Variants in TMPRSS7 observed in about 807,000 individuals in gnomAD.
The protein encoded by TMPRSS7 is transmembrane protease serine 7.
TMPRSS7 carries 81 observed loss-of-function variants against 95.6 expected under a neutral mutation model. The ratio of observed to expected loss-of-function variants is 0.85; its 90% CI spans 0.71 to 1.02. The LOEUF is 1.02. Ranked by LOEUF, TMPRSS7 falls within the 50% of genes least tolerant of loss-of-function variation. TMPRSS7 has a pLI of 0.00. For missense variants in TMPRSS7, 945 were observed against 955.2 expected (o/e 0.99, Z 0.14); for synonymous variants, 364 against 337.8 (o/e 1.08, Z -0.85).
At chr3:112,058,932 T>C (rs1169918251) in intron 10 of TMPRSS7, among the ~76,000 whole-genome samples, 1 of 152,200 alleles carries the variant, frequency 6.6e-6, no homozygotes, top group African/African-American at 2.4e-5. Context: ...GGATTTAAAA[T>C]GCCAGCCCTT....
chr3:112,052,384 C>A (rs1376526244), intron 9 of TMPRSS7, among the ~76,000 whole-genome samples: 3 of 151,484 alleles, frequency 2.0e-5, no homozygotes, highest in African/African-American at 7.3e-5. Context: ...TGTGCATAGT[C>A]ATAATAGTTA....
intron 17 of TMPRSS7, among the ~76,000 whole-genome samples, chr3:112,079,538 T>A (rs1296155231): frequency 6.6e-6 from 1 of 151,962 alleles, no homozygotes; most frequent in Non-Finnish European, 1.5e-5. Context: ...TTTTTTGCAA[T>A]TTTTTTTAGC....
intron 7 of TMPRSS7, among the ~76,000 whole-genome samples, chr3:112,049,051 C>G (rs1307592378): frequency 6.6e-6 from 1 of 152,190 alleles, no homozygotes; most frequent in Non-Finnish European, 1.5e-5. Context: ...ACTCTACAAC[C>G]CTGCCGCTTC....
chr3:112,072,072 A>G (rs2073655175), intron 13 of TMPRSS7, among the ~76,000 whole-genome samples: 1 of 152,150 alleles, frequency 6.6e-6, no homozygotes, highest in Admixed American at 6.5e-5. Context: ...GTTTCTCCCC[A>G]TCTTTGTGGT....
rs771864037 is a variant in TMPRSS7, at chr3:112,061,740, C to T, written c.1311-47C>T. ...AATTCACCATGAATGGGAATTCAGTCGACAGAACCTCAAGCTGTGTATTCT... is the reference window on the plus strand; with the variant it reads ...AATTCACCATGAATGGGAATTCAGTTGACAGAACCTCAAGCTGTGTATTCT... On this transcript the variant is annotated intron_variant, in intron 10 of 17. Transcript: ENST00000452346. 1.6e-5 allele frequency: 24 copies of T among 1,543,262 alleles called. No homozygotes were observed. In the East Asian group the frequency reaches 2.1e-4, roughly 14 times the overall value.
At chr3:112,039,644 A>G (rs1195303360) in intron 2 of TMPRSS7, 3 of 152,056 alleles carry the variant, frequency 2.0e-5, no homozygotes, top group Non-Finnish European at 4.4e-5. Flanking sequence ...GCATGCTCCA[A>G]CTCCACAGGG....
intron 9 of TMPRSS7, among the ~76,000 whole-genome samples, chr3:112,053,321 T>G (rs2073387448): frequency 6.6e-6 from 1 of 152,196 alleles, no homozygotes; most frequent in South Asian, 2.1e-4. Context: ...TGAAGAGCAG[T>G]CAACCCCCTT....
At chr3:112,043,185 A>G (rs1303758946) in intron 3 of TMPRSS7, 1 of 444,620 alleles carries the variant, frequency 2.2e-6, no homozygotes, top group Non-Finnish European at 4.6e-6. Context: ...ATGGCCTACT[A>G]CACACCCAGG....
At chr3:112,077,930 T>C (rs956127835) in intron 16 of TMPRSS7, among the ~76,000 whole-genome samples, 6 of 152,200 alleles carry the variant, frequency 3.9e-5, no homozygotes, top group Admixed American at 3.3e-4. Context: ...CCTCACCTTC[T>C]TTTGCCATCC....
intron 4 of TMPRSS7, among the ~76,000 whole-genome samples, chr3:112,044,751 C>G (rs1368081773): frequency 6.6e-6 from 1 of 151,764 alleles, no homozygotes. Context: ...TATATCCCAC[C>G]CCCACCCACT....
At chr3:112,047,666 TA>T in intron 6 of TMPRSS7, 72 bp from the exon 7 acceptor site, 1 of 1,198,088 alleles carries the variant, frequency 8.3e-7, no homozygotes, top group Non-Finnish European at 1.2e-6. Flanking sequence ...TACTTTTCTA[TA>T]AAGATTTCTG....
In TMPRSS7 at chr3:112,066,518, C is replaced by T. The variant is rs573448876; in HGVS notation, c.1666+16C>T. On this transcript the variant is annotated intron_variant, in intron 13 of 17. Transcript: ENST00000452346. ...TGCACTCAAAGTGAGGGAGAGTCCT[C>T]TGTGCCCTGCTGTTCCTCCTATGAA... The T allele has an allele frequency of 5.0e-6, 8 of 1,603,384 alleles. No homozygotes were observed. In the East Asian group the frequency reaches 1.3e-4, roughly 27 times the overall value.
At chr3:112,073,456 T>C (rs1338109552) in intron 13 of TMPRSS7, among the ~76,000 whole-genome samples, 1 of 152,182 alleles carries the variant, frequency 6.6e-6, no homozygotes, top group African/African-American at 2.4e-5. Flanking sequence ...CGGTATCTCA[T>C]TGTGGTTTTG....
At chr3:112,049,579 G>A (rs1331332636) in intron 7 of TMPRSS7, among the ~76,000 whole-genome samples, 8 of 152,256 alleles carry the variant, frequency 5.3e-5, no homozygotes, top group Admixed American at 2.6e-4. Flanking sequence ...CTTTTATGCC[G>A]TATTTGTGCC....
intron 8 of TMPRSS7, among the ~76,000 whole-genome samples, chr3:112,050,251 TATC>T (rs1434815163): frequency 2.6e-5 from 4 of 152,084 alleles, no homozygotes; most frequent in African/African-American, 9.7e-5. Context: ...AGAAAGTAAC[TATC>T]ATCCCTAAGG....
At chr3:112,048,208 G>A (rs986215171) in intron 7 of TMPRSS7, among the ~76,000 whole-genome samples, 1 of 152,058 alleles carries the variant, frequency 6.6e-6, no homozygotes, top group South Asian at 2.1e-4. Flanking sequence ...CAGCAAGAAC[G>A]TCAGCCAATA....
chr3:112,058,002 A>G (rs1213005493), intron 10 of TMPRSS7, among the ~76,000 whole-genome samples: 1 of 152,234 alleles, frequency 6.6e-6, no homozygotes, highest in African/African-American at 2.4e-5. Context: ...CCAGGATTAC[A>G]GGCATGAGCC....
intron 16 of TMPRSS7, among the ~76,000 whole-genome samples, chr3:112,077,678 T>C (rs73856345): frequency 0.03 from 4,527 of 152,146 alleles, 189 homozygotes; most frequent in African/African-American, 0.088. Flanking sequence ...CTCCAGGATT[T>C]GGATTTGGTC....
At chr3:112,051,627 T>C (rs1470350402) in intron 9 of TMPRSS7, among the ~76,000 whole-genome samples, 1 of 118,522 alleles carries the variant, frequency 8.4e-6, no homozygotes, top group African/African-American at 3.7e-5. Context: ...ATCTCTATCA[T>C]CTATCTATCT....
Sources: allele counts gnomAD v4.1 joint callset (sites outside exome capture counted in the v4.1 genomes callset), GRCh38; gene constraint gnomAD v4.1.1; transcripts MANE v1.5; gene names NCBI Gene and HGNC (gene_info 2026-07-23, HGNC 2026-07-21).